Variants in UBE2E1 observed in about 807,000 individuals in gnomAD.
UBE2E1 encodes the protein ubiquitin-conjugating enzyme E2 E1.
In UBE2E1, 6 loss-of-function variants were observed where a neutral mutation model predicts 21.4. That is an observed-to-expected ratio of 0.28 (90% CI 0.15 to 0.55). The LOEUF (loss-of-function observed/expected upper bound fraction) is 0.55, where lower values mean the gene tolerates loss of function less well. Among genes scored for constraint, UBE2E1 ranks in the 20% least tolerant of loss-of-function variants. The probability of loss-of-function intolerance (pLI) is 0.93; values close to 1 mark genes in which losing one functional copy is unlikely to be tolerated. For synonymous variants in UBE2E1, 87 were observed against 82.7 expected, an observed-to-expected ratio of 1.05 and a Z score of -0.28; for missense variants, 142 against 236.5, an observed-to-expected ratio of 0.60 and a Z score of 2.62.
rs1699613885 is a variant in UBE2E1, at chr3:23,820,006, T to G, written c.203+8496T>G. ...GTAACCTTATTATAAAGTTACCTTATGTTAACAAGTGAGCAAGGGTCTAGG... is the reference window on the plus strand; with the variant it reads ...GTAACCTTATTATAAAGTTACCTTAGGTTAACAAGTGAGCAAGGGTCTAGG... On this transcript the variant is annotated intron_variant, in intron 3 of 5. Transcript: ENST00000306627. Among the ~76,000 whole-genome samples the G allele has an allele frequency of 1.3e-5, 2 of 152,348 alleles. 1 individual carries two copies. Among genetic ancestry groups the G allele is most frequent in the African/African-American group, 4.8e-5 (2 of 41,592 alleles).
intron 3 of UBE2E1, chr3:23,878,939 C>A: frequency 2.6e-6 from 1 of 382,064 alleles, no homozygotes; most frequent in Non-Finnish European, 5.2e-6. Context: ...AATTGTCTTC[C>A]ACAAAAGCAG....
In UBE2E1 at chr3:23,853,495, C is replaced by T. The variant is rs184555160; in HGVS notation, c.204-34072C>T. On this transcript the variant is annotated intron_variant, in intron 3 of 5. Coordinates refer to ENST00000306627, the MANE Select transcript of UBE2E1 (RefSeq NM_003341.5). The surrounding 1 kb of genome is among the most constrained non-coding windows in gnomAD (Gnocchi z 4.1). ...CTTGTGTGATTCATGCTTTTGTCTC[C>T]TCAGAAATCTGCCTACCCAAAGATT... 2.7e-4 allele frequency among the ~76,000 whole-genome samples: 41 copies of T among 152,176 alleles called. No individual in the cohort carries two copies. The highest frequency in any genetic ancestry group is 4.9e-4 in the Non-Finnish European group (33 of 68,000).
At chr3:23,882,452 G>A (rs1701069025) in intron 3 of UBE2E1, among the ~76,000 whole-genome samples, 1 of 152,240 alleles carries the variant, frequency 6.6e-6, no homozygotes, top group African/African-American at 2.4e-5. Context: ...CTTAACTCAG[G>A]AGCCCAGTTG....
chr3:23,882,457 C>A (rs1409770510), intron 3 of UBE2E1, among the ~76,000 whole-genome samples: 1 of 152,260 alleles, frequency 6.6e-6, no homozygotes, highest in Non-Finnish European at 1.5e-5. Context: ...CTCAGGAGCC[C>A]AGTTGGCTTT....
At position 23,870,781 on chromosome 3, in the gene UBE2E1, A is replaced by G. The variant is rs1700766949; in HGVS notation, c.204-16786A>G. Among the ~76,000 whole-genome samples, 2 of 151,880 alleles carry G rather than the reference A, an allele frequency of 1.3e-5. No individual in the cohort carries two copies. The highest frequency in any genetic ancestry group is 2.9e-5 in the Non-Finnish European group (2 of 67,946). On this transcript the variant is annotated intron_variant, in intron 3 of 5. Transcript: ENST00000306627. The surrounding 1 kb of genome is among the most constrained non-coding windows in gnomAD (Gnocchi z 4.2). ...TGGAGGGAAGGTCAGCAGATAAACAAGTGAACAAAGGTCTCTGGTTTTCCT... is the reference window on the plus strand; with the variant it reads ...TGGAGGGAAGGTCAGCAGATAAACAGGTGAACAAAGGTCTCTGGTTTTCCT...
At chr3:23,840,496 A>G (rs1353168383) in intron 3 of UBE2E1, among the ~76,000 whole-genome samples, 1 of 152,140 alleles carries the variant, frequency 6.6e-6, no homozygotes, top group Non-Finnish European at 1.5e-5. Flanking sequence ...CTCCTTTTGA[A>G]GCCTGCTTTT....
intron 3 of UBE2E1, among the ~76,000 whole-genome samples, chr3:23,873,878 C>T (rs1046525692): frequency 1.4e-4 from 22 of 152,012 alleles, no homozygotes; most frequent in Admixed American, 3.9e-4. Context: ...CAAAAGTGGG[C>T]AACAAAAAAC....
intron 3 of UBE2E1, among the ~76,000 whole-genome samples, chr3:23,886,894 A>C (rs576612786): frequency 2.6e-5 from 4 of 152,336 alleles, no homozygotes; most frequent in African/African-American, 9.6e-5. Context: ...ATTGTGGCCA[A>C]ATTATGGTGT....
rs112194644 is a variant in UBE2E1, at chr3:23,842,245, GT to G, written c.203+30736del. On this transcript the variant is annotated intron_variant, in intron 3 of 5. Transcript: ENST00000306627. The surrounding 1 kb of genome is among the most constrained non-coding windows in gnomAD (Gnocchi z 4.6). ...TGTGTGTGTGTGTGTGTGTGTGTGT[GT>G]GTGGTGTTGTTGTTGTTGGCGACAG... Among the ~76,000 whole-genome samples, 695 of 37,288 alleles carry G rather than the reference GT, an allele frequency of 0.019. 7 individuals are homozygous for G. The highest frequency in any genetic ancestry group is 0.06 in the South Asian group (64 of 1,064). The allele number at this position is 37,288 out of a possible 152,430, so 24.5% of individuals were successfully genotyped here. A position where few individuals can be genotyped will look rare whatever the true frequency, so the allele number is the denominator to read the frequency against.
chr3:23,881,116 A>G (rs1457928847), intron 3 of UBE2E1, among the ~76,000 whole-genome samples: 1 of 152,192 alleles, frequency 6.6e-6, no homozygotes, highest in African/African-American at 2.4e-5. Flanking sequence ...AGAGTTTCCT[A>G]TCAGTTAACA....
At chr3:23,867,702 C>G (rs1331005756) in intron 3 of UBE2E1, among the ~76,000 whole-genome samples, 1 of 152,044 alleles carries the variant, frequency 6.6e-6, no homozygotes, top group Non-Finnish European at 1.5e-5. Flanking sequence ...TTTGTAGTCT[C>G]TTAGAGATTC....
Position 23,887,468 on chromosome 3 carries a change from C to T in UBE2E1, c.204-99C>T, listed in dbSNP as rs1701214123. ...TTGTAAAGAGAATCCACACAGTAAA[C>T]AAAAGAGAGGAGAGAGGTAATCTTT... On this transcript the variant is annotated intron_variant, in intron 3 of 5. Coordinates refer to ENST00000306627, the MANE Select transcript of UBE2E1 (RefSeq NM_003341.5). This position sits in a 1 kb window ranked among gnomAD's most constrained non-coding sequence, Gnocchi z 4.4. 3.5e-6 allele frequency: 5 copies of T among 1,445,880 alleles called. No individual in the cohort carries two copies. The highest frequency in any genetic ancestry group is 3.7e-6 in the Non-Finnish European group (4 of 1,090,176). 89.6% of individuals were successfully genotyped at this position (1,445,880 alleles called of 1,614,324 possible). A position where few individuals can be genotyped will look rare whatever the true frequency, so the allele number is the denominator to read the frequency against.
chr3:23,843,613 C>G (rs1164064971), intron 3 of UBE2E1, among the ~76,000 whole-genome samples: 1 of 152,178 alleles, frequency 6.6e-6, no homozygotes, highest in Non-Finnish European at 1.5e-5. Flanking sequence ...CCCCTGCTTC[C>G]TATTGGTTGT....
chr3:23,847,497 T>TTG, intron 3 of UBE2E1, among the ~76,000 whole-genome samples: 1 of 139,610 alleles, frequency 7.2e-6, no homozygotes, highest in East Asian at 2.1e-4. Context: ...AATTTTTTTT[T>TTG]TTTTTTTTTT....
intron 3 of UBE2E1, among the ~76,000 whole-genome samples, chr3:23,873,199 A>G: frequency 6.6e-6 from 1 of 152,212 alleles, no homozygotes; most frequent in East Asian, 1.9e-4. Context: ...AAATGGGAGT[A>G]AAAATGGTAA....
chr3:23,887,672 A>G lies in UBE2E1; in HGVS notation c.309A>G (p.Thr103=). The G allele has an allele frequency of 6.2e-7, 1 of 1,613,850 alleles. No homozygotes were observed. The highest frequency in any genetic ancestry group is 1.7e-5 in the Admixed American group (1 of 59,884). ...GGVFFLDITF[T]PEYPFKPPKV... ...TATTCTTTCTCGATATCACTTTTAC[A>G]CCAGAATATCCCTTCAAGCCTCCAA... is the stretch of plus-strand genomic sequence containing the variant. The change falls in exon 4 of 6, where the codon ACA becomes ACG. Residue 103 remains threonine (T), a synonymous_variant. Transcript: ENST00000306627. This position sits in a 1 kb window ranked among gnomAD's most constrained non-coding sequence, Gnocchi z 4.4.
At position 23,811,370 on chromosome 3, in the gene UBE2E1, A is replaced by G. The variant is rs573478961; in HGVS notation, c.153-90A>G. On this transcript the variant is annotated intron_variant, in intron 2 of 5. Transcript: ENST00000306627. ...CCAGTAGAATCCAGTGATCGCGCTT[A>G]GGTTTATCTGCAGACCTGCACGCTA... is the stretch of plus-strand genomic sequence containing the variant. The G allele has an allele frequency of 3.3e-6, 4 of 1,213,372 alleles. No homozygotes were observed. In the East Asian group the frequency reaches 7.0e-5, roughly 21 times the overall value. The allele number at this position is 1,213,372 out of a possible 1,614,324, so 75.2% of individuals were successfully genotyped here. A position where few individuals can be genotyped will look rare whatever the true frequency, so the allele number is the denominator to read the frequency against.
intron 3 of UBE2E1, among the ~76,000 whole-genome samples, chr3:23,818,324 G>T (rs1699571667): frequency 6.6e-6 from 1 of 152,174 alleles, no homozygotes; most frequent in South Asian, 2.1e-4. Context: ...ATATATTTGA[G>T]TTTATTATTA....
intron 3 of UBE2E1, among the ~76,000 whole-genome samples, chr3:23,855,837 T>TAAAAATA (rs369867169): frequency 6.6e-6 from 1 of 151,082 alleles, no homozygotes; most frequent in Non-Finnish European, 1.5e-5. Flanking sequence ...CTCAAAAAAA[T>TAAAAATA]AAAAATAAAA....
Sources: gnomAD v4.1 joint callset for allele counts (sites outside exome capture counted in the v4.1 genomes callset) on GRCh38, gnomAD v4.1.1 for gene constraint, Gnocchi (gnomAD v3.1) non-coding constraint, MANE v1.5 for transcripts, NCBI Gene and HGNC (gene_info 2026-07-23, HGNC 2026-07-21) for gene names.